Variants in ARHGAP15 observed in about 807,000 individuals in gnomAD.
ARHGAP15 encodes Rho GTPase activating protein 15, also known as rho GTPase-activating protein 15.
ARHGAP15 carries 51 observed loss-of-function variants against 63.7 expected under a neutral mutation model. That is an observed-to-expected ratio of 0.80 (90% CI 0.64 to 1.01). The LOEUF (loss-of-function observed/expected upper bound fraction) is 1.01, where lower values mean the gene tolerates loss of function less well. Among genes scored for constraint, ARHGAP15 ranks in the 50% least tolerant of loss-of-function variants. ARHGAP15 has a pLI of 0.00. For missense variants in ARHGAP15, 560 were observed against 564.6 expected (o/e 0.99, Z 0.08); for synonymous variants, 191 against 193.8 (o/e 0.99, Z 0.12).
At chr2:143,610,740 T>A (rs1324735223) in intron 11 of ARHGAP15, among the ~76,000 whole-genome samples, 1 of 152,114 alleles carries the variant, frequency 6.6e-6, no homozygotes, top group Non-Finnish European at 1.5e-5. Context: ...TTTATTTATT[T>A]ATTTATTTGA....
intron 8 of ARHGAP15, among the ~76,000 whole-genome samples, chr2:143,477,735 A>G (rs574602724): frequency 1.2e-4 from 19 of 152,286 alleles, no homozygotes; most frequent in African/African-American, 3.8e-4. Context: ...AAGAAAGAAA[A>G]AAGAAAGAAA....
intron 12 of ARHGAP15, among the ~76,000 whole-genome samples, chr2:143,696,676 G>A (rs990978754): frequency 2.7e-5 from 4 of 150,326 alleles, no homozygotes; most frequent in Non-Finnish European, 4.4e-5. Context: ...ATAAAGAGTT[G>A]TTCCCATTTT....
chr2:143,766,898 G>A (rs1206333008), intron 13 of ARHGAP15: 1 of 152,154 alleles, frequency 6.6e-6, no homozygotes, highest in Non-Finnish European at 1.5e-5. Flanking sequence ...CTGTAATTCA[G>A]AGATATGTAG....
At chr2:143,658,525 G>C (rs1209763884) in intron 12 of ARHGAP15, among the ~76,000 whole-genome samples, 2 of 152,150 alleles carry the variant, frequency 1.3e-5, no homozygotes, top group African/African-American at 4.8e-5. Flanking sequence ...ACTCAAAAGG[G>C]TTTAAGGAAA....
intron 11 of ARHGAP15, among the ~76,000 whole-genome samples, chr2:143,574,707 C>G (rs1696605301): frequency 6.6e-6 from 1 of 152,118 alleles, no homozygotes; most frequent in Non-Finnish European, 1.5e-5. Context: ...TAAATAGCCT[C>G]TTGGCCATGC....
chr2:143,320,510 A>G (rs954377954), intron 6 of ARHGAP15, among the ~76,000 whole-genome samples: 2 of 149,816 alleles, frequency 1.3e-5, no homozygotes, highest in Non-Finnish European at 3.0e-5. Flanking sequence ...TCACTTGACT[A>G]TAATTGAGAG....
chr2:143,240,486 C>A (rs1693823914), intron 5 of ARHGAP15, among the ~76,000 whole-genome samples: 1 of 151,914 alleles, frequency 6.6e-6, no homozygotes, highest in South Asian at 2.1e-4. Context: ...TTATTCAGAC[C>A]CCTGCTTAAG....
intron 4 of ARHGAP15, among the ~76,000 whole-genome samples, chr2:143,225,507 A>C (rs895103455): frequency 6.6e-6 from 1 of 152,198 alleles, no homozygotes; most frequent in Non-Finnish European, 1.5e-5. Context: ...AGGCTGAGGC[A>C]GGAGAATGGC....
chr2:143,250,701 C>CTCAT (rs1269551485), intron 6 of ARHGAP15, 101 bp downstream of exon 6: 14 of 894,916 alleles, frequency 1.6e-5, no homozygotes, highest in Non-Finnish European at 1.7e-5. Context: ...TGCTCATGTA[C>CTCAT]ATGAACTCGT....
In ARHGAP15 at chr2:143,164,876, C is replaced by G. The variant is rs530261291; in HGVS notation, c.165+9221C>G. On this transcript the variant is annotated intron_variant, in intron 2 of 13. Transcript: ENST00000295095. ...CAAAAATTACATGGGCTGACACAGA[C>G]GTGTTATCAGTTTATGTCCAAATTA... Among the ~76,000 whole-genome samples, 10 of 151,800 alleles carry G rather than the reference C, an allele frequency of 6.6e-5. No homozygotes were observed. In the South Asian group the frequency reaches 2.1e-3, roughly 32 times the overall value.
In ARHGAP15 at chr2:143,190,273, AG is replaced by A. The variant is rs557209251; in HGVS notation, c.166-11857del. ...ATTAAAATTTCCTTGTGTTTGGAGC[AG>A]GGGCACTGGACTTCTTGACTGACAG... On this transcript the variant is annotated intron_variant, in intron 2 of 13. Transcript: ENST00000295095. Among the ~76,000 whole-genome samples the A allele has an allele frequency of 2.6e-5, 4 of 152,340 alleles. No homozygotes were observed. The South Asian group carries it at 8.3e-4, about 32-fold the overall frequency.
intron 13 of ARHGAP15, among the ~76,000 whole-genome samples, chr2:143,723,177 C>A (rs1438632166): frequency 6.6e-6 from 1 of 152,216 alleles, no homozygotes; most frequent in Non-Finnish European, 1.5e-5. Flanking sequence ...GTAGGCTATA[C>A]CATCTAGGCT....
chr2:143,539,200 G>T (rs1044162342), intron 10 of ARHGAP15, among the ~76,000 whole-genome samples: 3 of 152,172 alleles, frequency 2.0e-5, no homozygotes, highest in Non-Finnish European at 4.4e-5. Context: ...ATGGTAGTTT[G>T]TGTTTCTGTT....
intron 6 of ARHGAP15, among the ~76,000 whole-genome samples, chr2:143,260,611 A>T (rs779753989): frequency 2.0e-5 from 3 of 152,162 alleles, no homozygotes; most frequent in Admixed American, 6.6e-5. Context: ...GGAGAATTAT[A>T]TACTGAATTA....
At chr2:143,275,090 A>G (rs1237235563) in intron 6 of ARHGAP15, among the ~76,000 whole-genome samples, 1 of 152,162 alleles carries the variant, frequency 6.6e-6, no homozygotes, top group African/African-American at 2.4e-5. Context: ...CCTGGTAGGC[A>G]GAGGTTGCAG....
At chr2:143,487,054 TTACTC>T (rs756609032) in intron 8 of ARHGAP15, among the ~76,000 whole-genome samples, 4 of 152,346 alleles carry the variant, frequency 2.6e-5, no homozygotes, top group East Asian at 3.9e-4. Context: ...GAATTTTTCT[TTACTC>T]TGACCACAAT....
intron 12 of ARHGAP15, among the ~76,000 whole-genome samples, chr2:143,687,945 A>AT (rs796748996): frequency 9.5e-4 from 145 of 152,322 alleles, no homozygotes; most frequent in African/African-American, 3.3e-3. Context: ...GTACAAAATT[A>AT]TTTTTAAATT....
chr2:143,367,345 A>G (rs1686338999), intron 6 of ARHGAP15, among the ~76,000 whole-genome samples: 2 of 151,682 alleles, frequency 1.3e-5, no homozygotes, highest in Non-Finnish European at 2.9e-5. Context: ...ATTTATCTTC[A>G]TCATCCTCAC....
intron 2 of ARHGAP15, among the ~76,000 whole-genome samples, chr2:143,201,136 G>T (rs1244388646): frequency 6.6e-6 from 1 of 151,532 alleles, no homozygotes; most frequent in Non-Finnish European, 1.5e-5. Flanking sequence ...TTAGAGTGGG[G>T]TCTCACTCTG....
Sources: gnomAD v4.1 joint callset for allele counts (sites outside exome capture counted in the v4.1 genomes callset) on GRCh38, gnomAD v4.1.1 for gene constraint, MANE v1.5 for transcripts, NCBI Gene and HGNC (gene_info 2026-07-23, HGNC 2026-07-21) for gene names.